The following NR3C2 variants were observed in gnomAD, a reference collection of about 807,000 sequenced individuals.
NR3C2 encodes nuclear receptor subfamily 3 group C member 2, also known as mineralocorticoid receptor.
NR3C2 carries 15 observed loss-of-function variants against 86.4 expected under a neutral mutation model. The observed-to-expected ratio is 0.17, with a 90% CI of 0.12 to 0.27. The LOEUF is 0.27. Ranked by LOEUF, NR3C2 falls within the 10% of genes least tolerant of loss-of-function variation. The pLI is 1.00. For synonymous variants in NR3C2, 458 were observed against 450.5 expected, an observed-to-expected ratio of 1.02 and a Z score of -0.21; for missense variants, 960 against 1,195.6, an observed-to-expected ratio of 0.80 and a Z score of 2.91.
intron 4 of NR3C2, among the ~76,000 whole-genome samples, chr4:148,179,599 A>G (rs1735551782): frequency 6.6e-6 from 1 of 151,822 alleles, no homozygotes; most frequent in African/African-American, 2.4e-5. Context: ...CTTCTGTTCT[A>G]AGATGTCATC....
At chr4:148,091,881 A>T (rs1228283508) in intron 8 of NR3C2, among the ~76,000 whole-genome samples, 2 of 152,174 alleles carry the variant, frequency 1.3e-5, no homozygotes, top group African/African-American at 2.4e-5. Context: ...TGCATCTCTA[A>T]ATAAGCACCG....
At position 148,409,779 on chromosome 4, in the gene NR3C2, C is replaced by T. The variant is rs147969851; in HGVS notation, c.1757+25325G>A. Reference sequence around the variant, plus strand: ...AACTATTATATCTCAAATAAGTTCACGGTACAATGTCCCAAAGTAGGTAAT... The same window carrying T: ...AACTATTATATCTCAAATAAGTTCATGGTACAATGTCCCAAAGTAGGTAAT... On this transcript the variant is annotated intron_variant, in intron 2 of 8. Coordinates refer to ENST00000358102, the MANE Select transcript of NR3C2 (RefSeq NM_000901.5). Among the ~76,000 whole-genome samples the T allele has an allele frequency of 3.8e-3, 572 of 152,156 alleles. 1 individual carries two copies. Among genetic ancestry groups the T allele is most frequent in the African/African-American group, 0.013 (542 of 41,544 alleles).
chr4:148,166,815 G>T (rs1225985865), intron 4 of NR3C2, among the ~76,000 whole-genome samples: 1 of 151,524 alleles, frequency 6.6e-6, no homozygotes, highest in Non-Finnish European at 1.5e-5. Context: ...ATCCATCAAA[G>T]CTGTGAAGGA....
At chr4:148,260,768 T>G (rs1315885172) in intron 2 of NR3C2, among the ~76,000 whole-genome samples, 1 of 152,196 alleles carries the variant, frequency 6.6e-6, no homozygotes, top group African/African-American at 2.4e-5. Flanking sequence ...CAGGTATCTT[T>G]CATGGTAAGA....
At chr4:148,323,222 G>A (rs564788772) in intron 2 of NR3C2, among the ~76,000 whole-genome samples, 3 of 139,256 alleles carry the variant, frequency 2.2e-5, no homozygotes, top group African/African-American at 8.5e-5. Flanking sequence ...CACTTGAGGT[G>A]GCAGTCTGCC....
intron 2 of NR3C2, among the ~76,000 whole-genome samples, chr4:148,403,303 A>G (rs1304048331): frequency 6.6e-6 from 1 of 152,030 alleles, no homozygotes; most frequent in Non-Finnish European, 1.5e-5. Context: ...TCTCTATTCC[A>G]CTAGCCCTTA....
At chr4:148,211,121 C>T (rs1737261598) in intron 3 of NR3C2, among the ~76,000 whole-genome samples, 1 of 152,216 alleles carries the variant, frequency 6.6e-6, no homozygotes, top group Non-Finnish European at 1.5e-5. Flanking sequence ...CCTTATCCCA[C>T]ATAAGAGTCT....
chr4:148,388,629 GATATAA>G, intron 2 of NR3C2, among the ~76,000 whole-genome samples: 1 of 152,230 alleles, frequency 6.6e-6, no homozygotes, highest in Non-Finnish European at 1.5e-5. Context: ...TAAATGCTTA[GATATAA>G]TAAGTTGGGG....
At chr4:148,213,234 C>G (rs1737368463) in intron 3 of NR3C2, among the ~76,000 whole-genome samples, 2 of 151,882 alleles carry the variant, frequency 1.3e-5, no homozygotes, top group Non-Finnish European at 2.9e-5. Context: ...ACATATGACT[C>G]AGGATAGACT....
At chr4:148,139,849 C>T (rs1733528431) in intron 6 of NR3C2, among the ~76,000 whole-genome samples, 1 of 152,094 alleles carries the variant, frequency 6.6e-6, no homozygotes, top group African/African-American at 2.4e-5. Context: ...CCCACATGAC[C>T]CTATTAAATA....
chr4:148,308,428 A>G (rs1276923909), intron 2 of NR3C2, among the ~76,000 whole-genome samples: 1 of 152,160 alleles, frequency 6.6e-6, no homozygotes, highest in Non-Finnish European at 1.5e-5. Flanking sequence ...TATAAAGTTG[A>G]TGTATTTACT....
chr4:148,312,093 T>C (rs895993205), intron 2 of NR3C2, among the ~76,000 whole-genome samples: 4 of 152,196 alleles, frequency 2.6e-5, no homozygotes, highest in African/African-American at 7.2e-5. Flanking sequence ...TTGTTTATTG[T>C]GTAGTGGTGT....
At chr4:148,324,139 C>T (rs985593117) in intron 2 of NR3C2, among the ~76,000 whole-genome samples, 4 of 152,070 alleles carry the variant, frequency 2.6e-5, no homozygotes, top group Non-Finnish European at 4.4e-5. Flanking sequence ...CAGCATCAAC[C>T]TGAGAAAGAC....
At chr4:148,172,459 G>A (rs574765238) in intron 4 of NR3C2, among the ~76,000 whole-genome samples, 3 of 152,306 alleles carry the variant, frequency 2.0e-5, no homozygotes, top group Admixed American at 6.5e-5. Context: ...CAAGACTTAC[G>A]TGTTTTTTGG....
At chr4:148,265,599 CTT>C (rs371500489) in intron 2 of NR3C2, among the ~76,000 whole-genome samples, 9 of 148,886 alleles carry the variant, frequency 6.0e-5, no homozygotes, top group Middle Eastern at 3.2e-3. Flanking sequence ...TTTAAACTCA[CTT>C]AATATGAATT....
intron 8 of NR3C2, among the ~76,000 whole-genome samples, chr4:148,098,696 A>G (rs1165819295): frequency 1.3e-5 from 2 of 152,232 alleles, no homozygotes; most frequent in East Asian, 3.8e-4. Context: ...GAAGTTGTAA[A>G]TACAAAATCT....
chr4:148,133,700 C>T (rs913387966), intron 6 of NR3C2, among the ~76,000 whole-genome samples: 1 of 152,158 alleles, frequency 6.6e-6, no homozygotes, highest in African/African-American at 2.4e-5. Flanking sequence ...CAGAAGCTGG[C>T]GCAGGATGGT....
chr4:148,407,836 C>G (rs953669692), intron 2 of NR3C2, among the ~76,000 whole-genome samples: 6 of 152,136 alleles, frequency 3.9e-5, no homozygotes, highest in Admixed American at 6.5e-5. Flanking sequence ...CTATTTACTA[C>G]TGGAATGATG....
At chr4:148,408,486 A>C (rs2126558496) in intron 2 of NR3C2, among the ~76,000 whole-genome samples, 1 of 152,344 alleles carries the variant, frequency 6.6e-6, no homozygotes, top group South Asian at 2.1e-4. Context: ...TATACCTGGA[A>C]GGCAGAGATC....
Sources: gnomAD v4.1 joint callset for allele counts (sites outside exome capture counted in the v4.1 genomes callset) on GRCh38, gnomAD v4.1.1 for gene constraint, MANE v1.5 for transcripts, NCBI Gene and HGNC (gene_info 2026-07-23, HGNC 2026-07-21) for gene names.